The following PDCD7 variants were observed in gnomAD, a reference collection of about 807,000 sequenced individuals.
The protein encoded by PDCD7 is programmed cell death protein 7.
PDCD7 carries 40 observed loss-of-function variants against 42.1 expected under a neutral mutation model. That is an observed-to-expected ratio of 0.95 (90% CI 0.74 to 1.24). The LOEUF (loss-of-function observed/expected upper bound fraction) is 1.24. Among genes scored for constraint, PDCD7 ranks in the 50% most tolerant of loss-of-function variants. PDCD7 has a pLI of 0.00. For missense variants in PDCD7, 644 were observed against 662.8 expected (o/e 0.97, Z 0.31); for synonymous variants, 299 against 303.3 (o/e 0.99, Z 0.15).
At position 65,117,974 on chromosome 15, in the gene PDCD7, G is replaced by A. The variant is rs183341236; in HGVS notation, c.*743C>T. 53 of 152,314 alleles carry A rather than the reference G, an allele frequency of 3.5e-4. No homozygotes were observed. The highest frequency in any genetic ancestry group is 1.0e-3 in the African/African-American group (43 of 41,570). The allele number at this position is 152,314 out of a possible 1,614,324, so 9.4% of individuals were successfully genotyped here. The stretch of plus-strand genomic sequence containing the variant: ...GTGAGGTTAGGGAAATATCCTTGGG[G>A]ATTCTGAACAACTAGACCCTTAGAA... On this transcript the variant is annotated 3_prime_UTR_variant, in exon 5 of 5. Coordinates refer to ENST00000204549, the MANE Select transcript of PDCD7 (RefSeq NM_005707.2).
chr15:65,121,979 G>A (rs762123670), intron 2 of PDCD7, among the ~76,000 whole-genome samples: 8 of 152,128 alleles, frequency 5.3e-5, no homozygotes, highest in African/African-American at 9.7e-5. Context: ...ATGTGGATGT[G>A]ATCTATCCTG....
At chr15:65,119,529 G>C in intron 3 of PDCD7, 66 bp from the exon 4 acceptor site, 3 of 1,304,710 alleles carry the variant, frequency 2.3e-6, no homozygotes, top group Non-Finnish European at 3.3e-6. Context: ...CTCAAGGCAA[G>C]GTGACTGAGC....
At chr15:65,129,825 C>T (rs898898237) in intron 1 of PDCD7, among the ~76,000 whole-genome samples, 2 of 151,728 alleles carry the variant, frequency 1.3e-5, no homozygotes, top group Admixed American at 6.6e-5. Context: ...GAGGCTAAGG[C>T]GAGAGGATCA....
chr15:65,132,092 ATATATG>A (rs1456122582), intron 1 of PDCD7, among the ~76,000 whole-genome samples: 5 of 131,370 alleles, frequency 3.8e-5, no homozygotes, highest in African/African-American at 1.4e-4. Flanking sequence ...ATACACATAC[ATATATG>A]TATGTGTATA....
At chr15:65,132,831 G>A (rs2087552197) in intron 1 of PDCD7, 81 bp downstream of exon 1, 2 of 1,574,064 alleles carry the variant, frequency 1.3e-6, no homozygotes, top group Middle Eastern at 1.7e-4. Flanking sequence ...TTAGCCCTGG[G>A]AAATGGAAGT....
rs902526848 is a variant in PDCD7 at position 65,133,605 on chromosome 15, C to A, written c.177G>T (p.Pro59=). The part of the protein sequence containing the change: ...PGASAPFLQP[P]LALQPRASAE... ...CGGAGGCTCGGGGCTGCAGAGCCAGCGGAGGCTGAAGGAAGGGGGCGGAGG... is the reference window on the plus strand; with the variant it reads ...CGGAGGCTCGGGGCTGCAGAGCCAGAGGAGGCTGAAGGAAGGGGGCGGAGG... Residue 59 remains proline, a synonymous_variant, in exon 1 of 5, where the codon CCG becomes CCT. Coordinates refer to ENST00000204549, the MANE Select transcript of PDCD7 (RefSeq NM_005707.2). The A allele has an allele frequency of 7.7e-5, 96 of 1,239,732 alleles. No homozygotes were observed. Among genetic ancestry groups the A allele is most frequent in the Non-Finnish European group, 9.3e-5 (92 of 990,860 alleles). 76.8% of individuals were successfully genotyped at this position (1,239,732 alleles called of 1,614,324 possible).
chr15:65,130,447 G>A (rs1299745376), intron 1 of PDCD7, among the ~76,000 whole-genome samples: 1 of 151,930 alleles, frequency 6.6e-6, no homozygotes, highest in African/African-American at 2.4e-5. Flanking sequence ...CATGACCACG[G>A]CGCCCAGCCC....
Position 65,132,892 on chromosome 15 carries a change from T to C in PDCD7, c.870+20A>G, listed in dbSNP as rs372507245. 1 of 1,600,880 alleles carries C rather than the reference T, an allele frequency of 6.2e-7. No homozygotes were observed. The highest frequency in any genetic ancestry group is 1.1e-5 in the South Asian group (1 of 91,036). ...CCAACCACCACCACTCCTACCCCCA[T>C]GAGCGGCCGCTGCTCTCACCCGCTT... On this transcript the variant is annotated intron_variant, in intron 1 of 4. Transcript: ENST00000204549.
rs1425365085 is a variant in PDCD7 at position 65,133,304 on chromosome 15, G to A, written c.478C>T (p.Pro160Ser). 2 of 1,301,412 alleles carry A rather than the reference G, an allele frequency of 1.5e-6. No homozygotes were observed. Among genetic ancestry groups the A allele is most frequent in the African/African-American group, 1.5e-5 (1 of 64,658 alleles). The allele number at this position is 1,301,412 out of a possible 1,614,324, so 80.6% of individuals were successfully genotyped here. ...VFGTPRRAGC[P>S]VPQRTHAGPS... Reference sequence around the variant, plus strand: ...CCGGCATGCGTGCGCTGGGGCACCGGACAGCCTGCCCGCCGCGGGGTCCCG... The same window carrying A: ...CCGGCATGCGTGCGCTGGGGCACCGAACAGCCTGCCCGCCGCGGGGTCCCG... The change falls in exon 1 of 5, where the codon CCG (proline) becomes TCG (serine). Residue 160 changes from proline to serine, a missense_variant. Coordinates refer to ENST00000204549, the MANE Select transcript of PDCD7 (RefSeq NM_005707.2).
chr15:65,133,553 C>G lies in PDCD7; in HGVS notation c.229G>C (p.Ala77Pro). 8.1e-7 allele frequency: 1 copy of G among 1,229,628 alleles called. No individual in the cohort carries two copies. Among genetic ancestry groups the G allele is most frequent in the Non-Finnish European group, 1.0e-6 (1 of 986,544 alleles). The allele number at this position is 1,229,628 out of a possible 1,614,324, so 76.2% of individuals were successfully genotyped here. A position where few individuals can be genotyped will look rare whatever the true frequency, so the allele number is the denominator to read the frequency against. ...SAEASRGGGG[A>P]GAFYPVPPPP... Reference sequence around the variant, plus strand: ...GGTGGCACCGGGTAGAAGGCGCCAGCGCCGCCTCCGCCGCGGGAGGCCTCC... The same window carrying G: ...GGTGGCACCGGGTAGAAGGCGCCAGGGCCGCCTCCGCCGCGGGAGGCCTCC... The change falls in exon 1 of 5, where the codon GCT (alanine) becomes CCT (proline). Residue 77 changes from alanine to proline, a missense_variant. Transcript: ENST00000204549.
chr15:65,129,247 A>C, intron 1 of PDCD7, 77 bp from the exon 2 acceptor site: 3 of 1,485,932 alleles, frequency 2.0e-6, no homozygotes, highest in Non-Finnish European at 2.8e-6. Context: ...CAGTGGTTAG[A>C]TTTTAAAGGA....
At chr15:65,125,961 A>C (rs964480564) in intron 2 of PDCD7, among the ~76,000 whole-genome samples, 2 of 152,194 alleles carry the variant, frequency 1.3e-5, no homozygotes, top group Non-Finnish European at 2.9e-5. Flanking sequence ...TGTGCAAGGA[A>C]ACTCTCCTTT....
chr15:65,126,274 C>T (rs1486689354), intron 2 of PDCD7, among the ~76,000 whole-genome samples: 2 of 152,146 alleles, frequency 1.3e-5, no homozygotes, highest in African/African-American at 2.4e-5. Flanking sequence ...TTTTGACATT[C>T]CCTATGATTT....
Position 65,133,806 on chromosome 15 carries a change from A to G in PDCD7, c.-25T>C. ...TGTTCACGACGGAGATGCTTTGAGA[A>G]GTGACAGGAATCTGAGTGGCTCCTC... is the stretch of plus-strand genomic sequence containing the variant. On this transcript the variant is annotated 5_prime_UTR_variant, in exon 1 of 5. Coordinates refer to ENST00000204549, the MANE Select transcript of PDCD7 (RefSeq NM_005707.2). 1 of 1,363,146 alleles carries G rather than the reference A, an allele frequency of 7.3e-7. No homozygotes were observed. Among genetic ancestry groups the G allele is most frequent in the South Asian group, 1.9e-5 (1 of 51,350 alleles). The allele number at this position is 1,363,146 out of a possible 1,614,324, so 84.4% of individuals were successfully genotyped here.
At position 65,119,830 on chromosome 15, in the gene PDCD7, T is replaced by A; in HGVS notation, c.1134A>T (p.Glu378Asp). 6.2e-7 allele frequency: 1 copy of A among 1,614,074 alleles called. No homozygotes were observed. Residue 378 changes from glutamate to aspartate, a missense_variant, in exon 3 of 5, where the codon GAA (glutamate) becomes GAT (aspartate). Glu to Asp is a conservative substitution (Grantham distance 45). Transcript: ENST00000204549. ...TTTTCCTCTCTTCCTCTTGTTCTCC[T>A]TCTAGCATAACTCTGAGGGCTCTCT... Reference protein sequence around the residue: ...AEERALRVMLEGEQEEERKRE... With the variant: ...AEERALRVMLDGEQEEERKRE...
At position 65,133,609 on chromosome 15, in the gene PDCD7, G is replaced by A. The variant is rs1056645935; in HGVS notation, c.173C>T (p.Pro58Leu). ...FPGASAPFLQ[P>L]PLALQPRASA... is the part of the protein sequence containing the mutation. ...GGCTCGGGGCTGCAGAGCCAGCGGA[G>A]GCTGAAGGAAGGGGGCGGAGGCCCC... The change falls in exon 1 of 5, where the codon CCT becomes CTT. Residue 58 changes from proline (P) to leucine (L), a missense_variant. By Grantham distance (98) the Pro-to-Leu change is moderately conservative. Coordinates refer to ENST00000204549, the MANE Select transcript of PDCD7 (RefSeq NM_005707.2). 8 of 1,241,704 alleles carry A rather than the reference G, an allele frequency of 6.4e-6. No individual in the cohort carries two copies. The African/African-American group carries it at 7.8e-5, about 12-fold the overall frequency. 76.9% of individuals were successfully genotyped at this position (1,241,704 alleles called of 1,614,324 possible). A position where few individuals can be genotyped will look rare whatever the true frequency, so the allele number is the denominator to read the frequency against.
rs1214338037 is a variant in PDCD7 at position 65,129,043 on chromosome 15, G to A, written c.998C>T (p.Ala333Val). The A allele has an allele frequency of 6.2e-7, 1 of 1,614,012 alleles. No individual in the cohort carries two copies. Among genetic ancestry groups the A allele is most frequent in the Non-Finnish European group, 8.5e-7 (1 of 1,179,988 alleles). Residue 333 changes from alanine (A) to valine (V), a missense_variant, in exon 2 of 5, where the codon GCA becomes GTA. By Grantham distance (64) the Ala-to-Val change is moderately conservative. Coordinates refer to ENST00000204549, the MANE Select transcript of PDCD7 (RefSeq NM_005707.2). ...AAAGCCACAGTTACCTTTCCTCGCTGCAGCCTCTTTCCTCAGTTTCCTCAA... is the reference window on the plus strand; with the variant it reads ...AAAGCCACAGTTACCTTTCCTCGCTACAGCCTCTTTCCTCAGTTTCCTCAA... ...EKLRKLRKEA[A>V]ARKGVCPPAS... is the part of the protein sequence containing the mutation.
rs532963509 is a variant in PDCD7, at chr15:65,133,647, G to A, written c.135C>T (p.Pro45=). 3.1e-4 allele frequency: 395 copies of A among 1,259,386 alleles called. 2 individuals are homozygous for A. In the African/African-American group the frequency reaches 4.2e-3, roughly 13 times the overall value. The allele number at this position is 1,259,386 out of a possible 1,614,324, so 78.0% of individuals were successfully genotyped here. A position where few individuals can be genotyped will look rare whatever the true frequency, so the allele number is the denominator to read the frequency against. The part of the protein sequence containing the change: ...PAFPPPLPQR[P]GPFPGASAPF... ...GGGCGGAGGCCCCCGGAAAAGGGCC[G>A]GGCCGCTGGGGGAGAGGCGGCGGGA... The change falls in exon 1 of 5, where the codon CCC becomes CCT. Residue 45 remains proline, a synonymous_variant. Coordinates refer to ENST00000204549, the MANE Select transcript of PDCD7 (RefSeq NM_005707.2).
chr15:65,119,641 T>G, intron 3 of PDCD7, 77 bp downstream of exon 3: 1 of 1,483,124 alleles, frequency 6.7e-7, no homozygotes, highest in Non-Finnish European at 9.2e-7. Context: ...TACCACCTCT[T>G]AGCTTGAGAT....
Sources: allele counts gnomAD v4.1 joint callset (sites outside exome capture counted in the v4.1 genomes callset), GRCh38; gene constraint gnomAD v4.1.1; transcripts MANE v1.5; gene names NCBI Gene and HGNC (gene_info 2026-07-23, HGNC 2026-07-21).